The following RAMP1 variants were observed in gnomAD, a reference collection of about 807,000 sequenced individuals.
The protein encoded by RAMP1 is receptor activity-modifying protein 1.
In RAMP1, 7 loss-of-function variants were observed where a neutral mutation model predicts 8.2. The ratio of observed to expected loss-of-function variants is 0.85; its 90% CI spans 0.49 to 1.60. RAMP1 has a LOEUF of 1.60. RAMP1 is among the 40% of genes most tolerant of loss of function. The pLI, the probability that RAMP1 is intolerant of heterozygous loss-of-function variation, is 0.00. For missense variants in RAMP1, 192 were observed against 202.4 expected (o/e 0.95, Z 0.31); for synonymous variants, 92 against 84.7 (o/e 1.09, Z -0.47).
Position 237,877,710 on chromosome 2 carries a change from G to A in RAMP1, c.191+348G>A, listed in dbSNP as rs1202106410. On this transcript the variant is annotated intron_variant, in intron 2 of 2. Transcript: ENST00000254661. This position sits in a 1 kb window ranked among gnomAD's most constrained non-coding sequence, Gnocchi z 4.4. The stretch of plus-strand genomic sequence containing the variant: ...CAGGGTGGCCGGGTCTCTGACTGGA[G>A]CCTGGCTTCAGGGACGTCCCTGCTG... Among the ~76,000 whole-genome samples, 1 of 152,300 alleles carries A rather than the reference G, an allele frequency of 6.6e-6. No individual in the cohort carries two copies. The highest frequency in any genetic ancestry group is 2.4e-5 in the African/African-American group (1 of 41,580).
rs3820796 is a variant in RAMP1 at position 237,875,692 on chromosome 2, C to T, written c.53-1532C>T. 5.3e-5 allele frequency among the ~76,000 whole-genome samples: 8 copies of T among 152,080 alleles called. No individual in the cohort carries two copies. The South Asian group carries it at 6.2e-4, about 12-fold the overall frequency. ...TGGGACCCACTCATGGCCTCAGCCC[C>T]GTGCAGGGCTCAGCCTCTCTGGTCA... On this transcript the variant is annotated intron_variant, in intron 1 of 2. Coordinates refer to ENST00000254661, the MANE Select transcript of RAMP1 (RefSeq NM_005855.4).
chr2:237,911,299 C>T (rs1458868669), intron 2 of RAMP1, among the ~76,000 whole-genome samples: 1 of 152,260 alleles, frequency 6.6e-6, no homozygotes, highest in African/African-American at 2.4e-5. Flanking sequence ...GCCCCACGGC[C>T]ACGCCAGGGC....
At chr2:237,874,882 GGT>G in intron 1 of RAMP1, among the ~76,000 whole-genome samples, 1 of 150,504 alleles carries the variant, frequency 6.6e-6, no homozygotes, top group Admixed American at 6.6e-5. Flanking sequence ...TGGGGGACAG[GGT>G]AAGGGGGCAG....
intron 2 of RAMP1, among the ~76,000 whole-genome samples, chr2:237,894,383 G>A (rs1266999184): frequency 6.6e-6 from 1 of 152,236 alleles, no homozygotes; most frequent in Non-Finnish European, 1.5e-5. Context: ...TTTACAGGGA[G>A]GCCAGATTTC....
At chr2:237,902,434 A>G (rs1462446399) in intron 2 of RAMP1, among the ~76,000 whole-genome samples, 1 of 151,002 alleles carries the variant, frequency 6.6e-6, no homozygotes, top group East Asian at 1.9e-4. Context: ...AGGAGGGAAC[A>G]GGAGGACCAG....
At chr2:237,869,539 T>C (rs536987965) in intron 1 of RAMP1, among the ~76,000 whole-genome samples, 10 of 152,228 alleles carry the variant, frequency 6.6e-5, no homozygotes, top group Non-Finnish European at 1.5e-4. Flanking sequence ...CATACAGCAT[T>C]TGTGACTGGC....
In RAMP1 at chr2:237,911,748, G is replaced by A. The variant is rs1190118954; in HGVS notation, c.412G>A (p.Val138Ile). 1 of 1,612,478 alleles carries A rather than the reference G, an allele frequency of 6.2e-7. No homozygotes were observed. The highest frequency in any genetic ancestry group is 1.1e-5 in the South Asian group (1 of 90,698). Reference protein sequence around the residue: ...TVTLLVTALVVWQSKRTEGIV With the variant: ...TVTLLVTALVIWQSKRTEGIV ...GACCCTGCTGGTGACGGCACTGGTGGTCTGGCAGAGCAAGCGCACTGAGGG... is the reference window on the plus strand; with the variant it reads ...GACCCTGCTGGTGACGGCACTGGTGATCTGGCAGAGCAAGCGCACTGAGGG... Residue 138 changes from valine to isoleucine, a missense_variant, in exon 3 of 3, where the codon GTC becomes ATC. Physicochemically the swap from Val to Ile is conservative, Grantham distance 29 (BLOSUM62 3). Transcript: ENST00000254661.
At chr2:237,898,304 C>A (rs191442114) in intron 2 of RAMP1, among the ~76,000 whole-genome samples, 25 of 152,332 alleles carry the variant, frequency 1.6e-4, no homozygotes, top group African/African-American at 6.0e-4. Flanking sequence ...CTCAGCAATG[C>A]AGTAGGTCAA....
In RAMP1 at chr2:237,875,488, G is replaced by A. The variant is rs183681081; in HGVS notation, c.53-1736G>A. On this transcript the variant is annotated intron_variant, in intron 1 of 2. Transcript: ENST00000254661. ...GCTGGGCACTCATGCCAGGGGTCGA[G>A]GGTGGGTGACCCACTGGAGTGAGGT... 4.4e-3 allele frequency among the ~76,000 whole-genome samples: 673 copies of A among 152,252 alleles called. 14 individuals carry two copies. The highest frequency in any genetic ancestry group is 0.033 in the Admixed American group (498 of 15,304).
rs2062145265 is a variant in RAMP1, at chr2:237,862,829, GGACA to G, written c.52+3104_52+3107del. On this transcript the variant is annotated intron_variant, in intron 1 of 2. Transcript: ENST00000254661. This position sits in a 1 kb window ranked among gnomAD's most constrained non-coding sequence, Gnocchi z 4.0. The stretch of plus-strand genomic sequence containing the variant: ...CCAGGGAGGAGACTGGCCGCAGGCT[GGACA>G]GTCAGTGTTCTGCTGGAACCACGGG... 6.6e-6 allele frequency among the ~76,000 whole-genome samples: 1 copy of G among 152,176 alleles called. No individual in the cohort carries two copies. Among genetic ancestry groups the G allele is most frequent in the African/African-American group, 2.4e-5 (1 of 41,434 alleles).
chr2:237,863,407 G>T (rs1161435137), intron 1 of RAMP1, among the ~76,000 whole-genome samples: 1 of 152,170 alleles, frequency 6.6e-6, no homozygotes, highest in African/African-American at 2.4e-5. Flanking sequence ...GGATGTCCTT[G>T]TCCCCAGTCC....
intron 2 of RAMP1, among the ~76,000 whole-genome samples, chr2:237,886,679 C>A (rs142104693): frequency 2.4e-4 from 37 of 152,340 alleles, no homozygotes; most frequent in East Asian, 9.7e-4. Context: ...GATGGAGAGA[C>A]CTTCCCCAGA....
At chr2:237,864,086 A>G (rs3769044) in intron 1 of RAMP1, among the ~76,000 whole-genome samples, 41,981 of 151,898 alleles carry the variant, frequency 0.28, 7,373 homozygotes, top group African/African-American at 0.51. Context: ...CCGGGGAAGC[A>G]GCTCCTGAAT....
chr2:237,880,953 G>A (rs1000606433), intron 2 of RAMP1, among the ~76,000 whole-genome samples: 5 of 152,166 alleles, frequency 3.3e-5, no homozygotes, highest in Non-Finnish European at 5.9e-5. Context: ...AGGTCTCTGC[G>A]CAAAGGTGTG....
chr2:237,878,590 C>T lies in RAMP1; in HGVS notation c.191+1228C>T, dbSNP rs896784736. On this transcript the variant is annotated intron_variant, in intron 2 of 2. Coordinates refer to ENST00000254661, the MANE Select transcript of RAMP1 (RefSeq NM_005855.4). This position sits in a 1 kb window ranked among gnomAD's most constrained non-coding sequence, Gnocchi z 5.7. ...CCCTCAGAGCCCCGCTGGCCACAGC[C>T]TGCCCTCTTCAGTCCTACTGAGATT... 2.0e-5 allele frequency among the ~76,000 whole-genome samples: 3 copies of T among 152,224 alleles called. No individual in the cohort carries two copies. Among genetic ancestry groups the T allele is most frequent in the Admixed American group, 2.0e-4 (3 of 15,288 alleles).
At chr2:237,903,292 A>G (rs2062623906) in intron 2 of RAMP1, among the ~76,000 whole-genome samples, 2 of 152,250 alleles carry the variant, frequency 1.3e-5, no homozygotes, top group Non-Finnish European at 2.9e-5. Context: ...TTTCATAATT[A>G]TAAATCTGCA....
Position 237,877,116 on chromosome 2 carries a change from G to A in RAMP1, c.53-108G>A, listed in dbSNP as rs2062313666. The stretch of plus-strand genomic sequence containing the variant: ...AGTCGCCCTCTCCAGGGGTTGCTTA[G>A]AGGCCCCGTTCTCGTGGAGTCCGGG... On this transcript the variant is annotated intron_variant, in intron 1 of 2. Transcript: ENST00000254661. This position sits in a 1 kb window ranked among gnomAD's most constrained non-coding sequence, Gnocchi z 4.4. 4.2e-6 allele frequency: 6 copies of A among 1,438,612 alleles called. No individual in the cohort carries two copies. The highest frequency in any genetic ancestry group is 1.4e-5 in the African/African-American group (1 of 71,530). 89.1% of individuals were successfully genotyped at this position (1,438,612 alleles called of 1,614,324 possible).
At chr2:237,887,347 G>C (rs2062444457) in intron 2 of RAMP1, among the ~76,000 whole-genome samples, 1 of 152,210 alleles carries the variant, frequency 6.6e-6, no homozygotes, top group African/African-American at 2.4e-5. Flanking sequence ...GGCCTCCAGG[G>C]AGCAGTGGCA....
chr2:237,885,137 C>G (rs946236321), intron 2 of RAMP1, among the ~76,000 whole-genome samples: 1 of 152,258 alleles, frequency 6.6e-6, no homozygotes, highest in Non-Finnish European at 1.5e-5. Flanking sequence ...AGAGTCAAGT[C>G]AGGAAATTCT....
Sources: gnomAD v4.1 joint callset for allele counts (sites outside exome capture counted in the v4.1 genomes callset) on GRCh38, gnomAD v4.1.1 for gene constraint, Gnocchi (gnomAD v3.1) non-coding constraint, MANE v1.5 for transcripts, NCBI Gene and HGNC (gene_info 2026-07-23, HGNC 2026-07-21) for gene names.